CA10: variants seen among roughly 807,000 people sequenced by gnomAD.
CA10 encodes the protein carbonic anhydrase-related protein 10.
CA10 carries 14 observed loss-of-function variants against 44.2 expected under a neutral mutation model. The observed-to-expected ratio is 0.32, with a 90% CI of 0.21 to 0.50. The LOEUF is 0.50. Among genes scored for constraint, CA10 ranks in the 20% least tolerant of loss-of-function variants. The pLI, the probability that CA10 is intolerant of heterozygous loss-of-function variation, is 0.99. For synonymous variants in CA10, 159 were observed against 141.6 expected, an observed-to-expected ratio of 1.12 and a Z score of -0.87; for missense variants, 350 against 409.7, an observed-to-expected ratio of 0.85 and a Z score of 1.26.
At chr17:52,032,838 G>A (rs1986508257) in intron 2 of CA10, among the ~76,000 whole-genome samples, 1 of 152,146 alleles carries the variant, frequency 6.6e-6, no homozygotes, top group Admixed American at 6.6e-5. Context: ...GCCTATAAGG[G>A]TCAGCATTGA....
chr17:52,151,219 G>A (rs1989695618), intron 1 of CA10, among the ~76,000 whole-genome samples: 1 of 151,982 alleles, frequency 6.6e-6, no homozygotes, highest in Admixed American at 6.6e-5. Context: ...ACTGGCCTAA[G>A]GTTATTTTTG....
At chr17:51,934,107 T>C (rs1388923610) in intron 2 of CA10, among the ~76,000 whole-genome samples, 1 of 152,142 alleles carries the variant, frequency 6.6e-6, no homozygotes, top group Non-Finnish European at 1.5e-5. Context: ...GTGTCCCTCA[T>C]TGGCTCCAGC....
At chr17:52,155,941 T>A (rs1488771101) in intron 1 of CA10, among the ~76,000 whole-genome samples, 1 of 152,208 alleles carries the variant, frequency 6.6e-6, no homozygotes, top group African/African-American at 2.4e-5. Flanking sequence ...GGTATCCCAC[T>A]AATGCTTTTT....
intron 3 of CA10, among the ~76,000 whole-genome samples, chr17:51,768,745 CTG>C (rs1442689329): frequency 6.6e-6 from 1 of 152,200 alleles, no homozygotes; most frequent in Non-Finnish European, 1.5e-5. Flanking sequence ...GGCACAAACC[CTG>C]TGAGGCTACA....
At chr17:51,828,935 A>G (rs1345981179) in intron 3 of CA10, among the ~76,000 whole-genome samples, 1 of 152,228 alleles carries the variant, frequency 6.6e-6, no homozygotes, top group Non-Finnish European at 1.5e-5. Flanking sequence ...AGGGCTCACT[A>G]AATGTTAGCT....
intron 4 of CA10, among the ~76,000 whole-genome samples, chr17:51,673,725 G>A (rs942847893): frequency 6.6e-6 from 1 of 152,326 alleles, no homozygotes; most frequent in African/African-American, 2.4e-5. Context: ...CATAGCCATT[G>A]TGATGGCTCT....
intron 3 of CA10, among the ~76,000 whole-genome samples, chr17:51,853,136 A>G (rs1978868964): frequency 6.6e-6 from 1 of 152,214 alleles, no homozygotes; most frequent in Non-Finnish European, 1.5e-5. Flanking sequence ...ATTATTATAT[A>G]TTTGCTAATA....
chr17:52,060,832 C>T (rs573214482), intron 2 of CA10, among the ~76,000 whole-genome samples: 2 of 152,054 alleles, frequency 1.3e-5, no homozygotes, highest in Non-Finnish European at 2.9e-5. Context: ...TAGAAATGTG[C>T]TTATTTATAA....
At chr17:51,939,148 T>TC (rs1982980226) in intron 2 of CA10, among the ~76,000 whole-genome samples, 1 of 152,082 alleles carries the variant, frequency 6.6e-6, no homozygotes, top group African/African-American at 2.4e-5. Context: ...ATATATATAT[T>TC]TGAGAGGTTC....
rs1981151035 is a variant in CA10, at chr17:51,898,079, C to G, written c.279+32911G>C. Among the ~76,000 whole-genome samples the G allele has an allele frequency of 3.9e-5, 6 of 152,204 alleles. No individual in the cohort carries two copies. The South Asian group carries it at 8.3e-4, about 21-fold the overall frequency. On this transcript the variant is annotated intron_variant, in intron 3 of 8. Coordinates refer to ENST00000451037, the MANE Select transcript of CA10 (RefSeq NM_020178.5). ...TCTTTCTTTCTCATTCCTGATTGCT[C>G]TAGCTGGGACTTCCAGTACTATGTT...
At chr17:51,645,190 A>G (rs1411225920) in intron 6 of CA10, among the ~76,000 whole-genome samples, 5 of 152,122 alleles carry the variant, frequency 3.3e-5, no homozygotes, top group Non-Finnish European at 7.3e-5. Context: ...TCGTCTCATT[A>G]TTTGGGTTGC....
At chr17:51,712,516 A>T (rs779995723) in intron 4 of CA10, among the ~76,000 whole-genome samples, 1 of 152,232 alleles carries the variant, frequency 6.6e-6, no homozygotes, top group Non-Finnish European at 1.5e-5. Context: ...AAGCTAAAGG[A>T]TTAGAAGCCT....
Position 51,826,653 on chromosome 17 carries a change from G to A in CA10, c.280-78835C>T, listed in dbSNP as rs559313389. ...CCACCTGTTTCTCCTCTGGGAGGCC[G>A]GCCTTTAGGGTCAGCAGTGGCTCCC... is the stretch of plus-strand genomic sequence containing the variant. On this transcript the variant is annotated intron_variant, in intron 3 of 8. Transcript: ENST00000451037. Among the ~76,000 whole-genome samples the A allele has an allele frequency of 5.9e-4, 90 of 152,294 alleles. 2 individuals are homozygous for A. In the South Asian group the frequency reaches 0.017, roughly 28 times the overall value.
chr17:52,075,751 C>T (rs915920327), intron 1 of CA10, among the ~76,000 whole-genome samples: 42 of 152,028 alleles, frequency 2.8e-4, no homozygotes, highest in Non-Finnish European at 3.1e-4. Flanking sequence ...AGTCACTGAC[C>T]TAAAGGTGCT....
chr17:51,765,284 A>G (rs1905331723), intron 3 of CA10, among the ~76,000 whole-genome samples: 1 of 152,192 alleles, frequency 6.6e-6, no homozygotes, highest in South Asian at 2.1e-4. Flanking sequence ...TAGCTCCCTC[A>G]ATGAGTGGTC....
chr17:51,658,336 A>G (rs568445234), intron 4 of CA10, among the ~76,000 whole-genome samples: 2 of 152,360 alleles, frequency 1.3e-5, no homozygotes, highest in South Asian at 4.1e-4. Flanking sequence ...AGATAGTTTC[A>G]GATGGTGGCA....
At chr17:51,861,177 C>T (rs1188798397) in intron 3 of CA10, among the ~76,000 whole-genome samples, 2 of 152,072 alleles carry the variant, frequency 1.3e-5, no homozygotes, top group East Asian at 1.9e-4. Flanking sequence ...CCAGAGGACA[C>T]GGGAGAGATC....
intron 2 of CA10, among the ~76,000 whole-genome samples, chr17:52,022,299 A>G (rs1567706413): frequency 6.6e-6 from 1 of 152,152 alleles, no homozygotes; most frequent in Admixed American, 6.6e-5. Flanking sequence ...GGTTGGTTCA[A>G]CATCCATAAA....
chr17:51,909,376 A>T (rs1598112410), intron 3 of CA10, among the ~76,000 whole-genome samples: 1 of 152,154 alleles, frequency 6.6e-6, no homozygotes, highest in Non-Finnish European at 1.5e-5. Flanking sequence ...CCAGCTTGTT[A>T]CCATGATTTC....
Sources: allele counts gnomAD v4.1 joint callset (sites outside exome capture counted in the v4.1 genomes callset), GRCh38; gene constraint gnomAD v4.1.1; transcripts MANE v1.5; gene names NCBI Gene and HGNC (gene_info 2026-07-23, HGNC 2026-07-21).